Variants in CIP2A observed in about 807,000 individuals in gnomAD.
The protein encoded by CIP2A is cellular inhibitor of PP2A.
In CIP2A, 103 loss-of-function variants were observed where a neutral mutation model predicts 110.9. That is an observed-to-expected ratio of 0.93 (90% confidence interval 0.79 to 1.09). CIP2A has a LOEUF of 1.09. Among genes scored for constraint, CIP2A ranks in the 50% least tolerant of loss-of-function variants. CIP2A has a pLI of 0.00. For synonymous variants in CIP2A, 381 were observed against 361.6 expected, an observed-to-expected ratio of 1.05 and a Z score of -0.61; for missense variants, 1,088 against 1,038.4, an observed-to-expected ratio of 1.05 and a Z score of -0.66.
At position 108,553,559 on chromosome 3, in the gene CIP2A, G is replaced by A. The variant is rs1486771371; in HGVS notation, c.2407+89C>T. ...TATGATTTAAAGTTTAAAACAATAA[G>A]TAGAAAATAAAAAAGCAAACAAAAC... On this transcript the variant is annotated intron_variant, in intron 19 of 20. Coordinates refer to ENST00000295746, the MANE Select transcript of CIP2A (RefSeq NM_020890.3). 4 of 1,110,664 alleles carry A rather than the reference G, an allele frequency of 3.6e-6. No individual in the cohort carries two copies. In the Admixed American group the frequency reaches 1.1e-4, roughly 31 times the overall value. 68.8% of individuals were successfully genotyped at this position (1,110,664 alleles called of 1,614,324 possible). A position where few individuals can be genotyped will look rare whatever the true frequency, so the allele number is the denominator to read the frequency against.
chr3:108,583,541 T>C (rs546886516), intron 2 of CIP2A, among the ~76,000 whole-genome samples: 9 of 152,152 alleles, frequency 5.9e-5, no homozygotes, highest in African/African-American at 1.9e-4. Flanking sequence ...GCTAAAAAAG[T>C]TGATCTCATG....
At chr3:108,586,839 C>T (rs1030011983) in intron 1 of CIP2A, among the ~76,000 whole-genome samples, 3 of 152,072 alleles carry the variant, frequency 2.0e-5, no homozygotes, top group South Asian at 2.1e-4. Flanking sequence ...TGCCAGTCAT[C>T]AAACATTCAA....
chr3:108,575,619 T>A (rs7614925), intron 8 of CIP2A, among the ~76,000 whole-genome samples: 13 of 143,602 alleles, frequency 9.1e-5, no homozygotes, highest in African/African-American at 2.1e-4. Flanking sequence ...CATATACATG[T>A]GTATATATAC....
At chr3:108,565,693 C>T (rs1413647348) in intron 11 of CIP2A, among the ~76,000 whole-genome samples, 1 of 151,734 alleles carries the variant, frequency 6.6e-6, no homozygotes, top group African/African-American at 2.4e-5. Flanking sequence ...TTACTACCAA[C>T]CTGCTTCAAC....
At chr3:108,576,656 T>G (rs1441056666) in intron 7 of CIP2A, among the ~76,000 whole-genome samples, 1 of 152,206 alleles carries the variant, frequency 6.6e-6, no homozygotes, top group Non-Finnish European at 1.5e-5. Context: ...TGCTCTATTT[T>G]TTTAAGATTG....
At chr3:108,567,453 G>A (rs1272509214) in intron 10 of CIP2A, among the ~76,000 whole-genome samples, 1 of 151,834 alleles carries the variant, frequency 6.6e-6, no homozygotes, top group East Asian at 1.9e-4. Flanking sequence ...ATCTGGTTGA[G>A]ATACAGTGGC....
At chr3:108,588,750 T>C (rs1939185544) in intron 1 of CIP2A, among the ~76,000 whole-genome samples, 1 of 152,128 alleles carries the variant, frequency 6.6e-6, no homozygotes, top group East Asian at 1.9e-4. Context: ...CTGTAAGCAA[T>C]GTATTTTGGT....
chr3:108,554,328 G>A, intron 18 of CIP2A, 48 bp downstream of exon 18: 1 of 749,914 alleles, frequency 1.3e-6, no homozygotes. Context: ...GAATCATTTT[G>A]TTTTTGAAAA....
At position 108,568,204 on chromosome 3, in the gene CIP2A, T is replaced by C. The variant is rs769203873; in HGVS notation, c.1224A>G (p.Leu408=). 7 of 1,612,338 alleles carry C rather than the reference T, an allele frequency of 4.3e-6. No individual in the cohort carries two copies. Among genetic ancestry groups the C allele is most frequent in the South Asian group, 1.1e-5 (1 of 91,006 alleles). ...CAATCCTTTCACATTTTTTTCTTGT[T>C]AAAGCCTCATCTAGATTTTGTTCTG... The part of the protein sequence containing the change: ...QFTEQNLDEA[L]TRKKCERIAK... The change falls in exon 10 of 21, where the codon TTA becomes TTG. Residue 408 remains leucine (L), a synonymous_variant. Coordinates refer to ENST00000295746, the MANE Select transcript of CIP2A (RefSeq NM_020890.3).
rs375166090 is a variant in CIP2A, at chr3:108,580,436, A to AACACACACACACACACAC, written c.550-766_550-749dup. ...ACTTTTTTTTCAATTCAGAAATTGA[A>AACACACACACACACACAC]ACACACACACACACACACACACACA... On this transcript the variant is annotated intron_variant, in intron 5 of 20. Coordinates refer to ENST00000295746, the MANE Select transcript of CIP2A (RefSeq NM_020890.3). Among the ~76,000 whole-genome samples the AACACACACACACACACAC allele has an allele frequency of 8.4e-3, 1,199 of 142,232 alleles. 11 individuals carry two copies. The highest frequency in any genetic ancestry group is 0.013 in the Non-Finnish European group (841 of 65,176). 93.3% of individuals were successfully genotyped at this position (142,232 alleles called of 152,430 possible).
intron 13 of CIP2A, among the ~76,000 whole-genome samples, chr3:108,561,520 T>C (rs1490563676): frequency 6.6e-6 from 1 of 152,004 alleles, no homozygotes. Context: ...AATAAATTAA[T>C]TAAGCAGTTG....
At chr3:108,564,056 G>A (rs1429082319) in intron 12 of CIP2A, among the ~76,000 whole-genome samples, 1 of 151,936 alleles carries the variant, frequency 6.6e-6, no homozygotes, top group Non-Finnish European at 1.5e-5. Flanking sequence ...AGATATTAGT[G>A]AAGAAAATAT....
chr3:108,574,400 C>T (rs1440171541), intron 8 of CIP2A, among the ~76,000 whole-genome samples: 1 of 152,168 alleles, frequency 6.6e-6, no homozygotes, highest in African/African-American at 2.4e-5. Flanking sequence ...ACTGGTCCAA[C>T]TGACTTTTTT....
intron 10 of CIP2A, among the ~76,000 whole-genome samples, chr3:108,567,576 G>A (rs2107333932): frequency 6.6e-6 from 1 of 152,018 alleles, no homozygotes; most frequent in South Asian, 2.1e-4. Context: ...TAGAAAATCA[G>A]TATATAGAAG....
At chr3:108,584,411 A>C (rs1938980932) in intron 2 of CIP2A, among the ~76,000 whole-genome samples, 1 of 152,188 alleles carries the variant, frequency 6.6e-6, no homozygotes, top group Non-Finnish European at 1.5e-5. Context: ...TATACCCTCA[A>C]AGCTGAAAAG....
At chr3:108,585,597 A>G (rs563208405) in intron 1 of CIP2A, 3 of 427,922 alleles carry the variant, frequency 7.0e-6, no homozygotes, top group East Asian at 6.9e-5. Context: ...ATGAAGGCAT[A>G]GCCTACAAAT....
chr3:108,576,153 C>G (rs1938643815), intron 8 of CIP2A, 118 bp downstream of exon 8: 1 of 580,332 alleles, frequency 1.7e-6, no homozygotes, highest in Admixed American at 3.3e-5. Flanking sequence ...AATTGTGTCC[C>G]TATTATAAAA....
rs1265370575 is a variant in CIP2A at position 108,563,243 on chromosome 3, T to C, written c.1517A>G (p.Asp506Gly). 2 of 1,590,682 alleles carry C rather than the reference T, an allele frequency of 1.3e-6. No homozygotes were observed. The highest frequency in any genetic ancestry group is 3.4e-5 in the Admixed American group (2 of 59,568). Residue 506 changes from aspartate to glycine, a missense_variant and splice_region_variant, in exon 13 of 21, where the codon GAC becomes GGC. Asp to Gly is a moderately conservative substitution (Grantham distance 94). Coordinates refer to ENST00000295746, the MANE Select transcript of CIP2A (RefSeq NM_020890.3). The stretch of plus-strand genomic sequence containing the variant: ...AGCCAAAGGAGTAATCAAACGTGGG[T>C]CCTAAATAAATCAGAAACCAAAAAA... Reference protein sequence around the residue: ...MEVSFYKILQDPRLITPLAFA... With the variant: ...MEVSFYKILQGPRLITPLAFA...
intron 20 of CIP2A, 64 bp from the exon 21 acceptor site, chr3:108,551,383 T>C: frequency 4.3e-6 from 5 of 1,171,998 alleles, no homozygotes; most frequent in East Asian, 2.6e-5. Context: ...ATGTTTTCTC[T>C]ATACATATAT....
Sources: gnomAD v4.1 joint callset for allele counts (sites outside exome capture counted in the v4.1 genomes callset) on GRCh38, gnomAD v4.1.1 for gene constraint, MANE v1.5 for transcripts, NCBI Gene and HGNC (gene_info 2026-07-23, HGNC 2026-07-21) for gene names.